The following NR6A1 variants were observed in gnomAD, a reference collection of about 807,000 sequenced individuals.
The protein encoded by NR6A1 is nuclear receptor subfamily 6 group A member 1, also known as retinoic acid receptor-related testis-associated receptor.
Under a neutral mutation model 59.1 loss-of-function variants are expected in NR6A1, and 7 were observed. The ratio of observed to expected loss-of-function variants is 0.12; its 90% CI spans 0.07 to 0.22. The LOEUF is 0.22. Among genes scored for constraint, NR6A1 ranks in the 10% least tolerant of loss-of-function variants. The probability of loss-of-function intolerance (pLI) is 1.00; values close to 1 mark genes in which losing one functional copy is unlikely to be tolerated. For synonymous variants in NR6A1, 243 were observed against 236.1 expected, an observed-to-expected ratio of 1.03 and a Z score of -0.27; for missense variants, 468 against 611.6, an observed-to-expected ratio of 0.77 and a Z score of 2.48.
chr9:124,663,927 C>A (rs1837524953), intron 2 of NR6A1, among the ~76,000 whole-genome samples: 1 of 152,002 alleles, frequency 6.6e-6, no homozygotes, highest in South Asian at 2.1e-4. Context: ...AAAAAAAGAA[C>A]CCTTTTCTTA....
intron 2 of NR6A1, chr9:124,598,909 C>A (rs1834041271): frequency 2.8e-6 from 2 of 703,176 alleles, no homozygotes; most frequent in African/African-American, 3.5e-5. Context: ...TGGCCAGCAG[C>A]TCTGGCTTGG....
intron 2 of NR6A1, among the ~76,000 whole-genome samples, chr9:124,654,852 T>C (rs1213568168): frequency 2.0e-5 from 3 of 148,268 alleles, no homozygotes; most frequent in South Asian, 2.1e-4. Context: ...TGGTTGCTTT[T>C]ATACATACAT....
At chr9:124,603,317 GTTC>G (rs1835495383) in intron 2 of NR6A1, among the ~76,000 whole-genome samples, 1 of 152,136 alleles carries the variant, frequency 6.6e-6, no homozygotes, top group African/African-American at 2.4e-5. Context: ...GTGGGGTACA[GTTC>G]TTCTGTTGAA....
intron 2 of NR6A1, among the ~76,000 whole-genome samples, chr9:124,708,794 A>G (rs949562189): frequency 2.0e-5 from 3 of 152,204 alleles, no homozygotes; most frequent in African/African-American, 7.2e-5. Flanking sequence ...AGGTACTCAA[A>G]TAGGTCCCAG....
intron 2 of NR6A1, among the ~76,000 whole-genome samples, chr9:124,566,952 C>CA (rs1378112798): frequency 9.2e-5 from 14 of 151,650 alleles, no homozygotes; most frequent in African/African-American, 2.4e-4. Flanking sequence ...ACTAAAAATA[C>CA]AAAAAATTAG....
At chr9:124,709,946 G>GAA (rs756286252) in intron 2 of NR6A1, among the ~76,000 whole-genome samples, 7 of 105,542 alleles carry the variant, frequency 6.6e-5, no homozygotes, top group East Asian at 2.8e-4. Context: ...ATTCCATCTC[G>GAA]AAAAAAAAAA....
chr9:124,692,394 C>T (rs755660635), intron 2 of NR6A1: 10 of 492,682 alleles, frequency 2.0e-5, no homozygotes, highest in Non-Finnish European at 3.0e-5. Context: ...CATCCATCAG[C>T]GGTGGTCTCA....
intron 2 of NR6A1, among the ~76,000 whole-genome samples, chr9:124,649,233 C>CAAAAAAAAA (rs78432505): frequency 2.4e-4 from 10 of 41,428 alleles, no homozygotes; most frequent in South Asian, 1.2e-3. Context: ...GGTACTGGCA[C>CAAAAAAAAA]AAAAAAAAAA....
At position 124,543,923 on chromosome 9, in the gene NR6A1, G is replaced by A. The variant is rs893731799; in HGVS notation, c.386-66C>T. 18 of 1,431,064 alleles carry A rather than the reference G, an allele frequency of 1.3e-5. No individual in the cohort carries two copies. The East Asian group carries it at 2.1e-4, about 16-fold the overall frequency. 88.6% of individuals were successfully genotyped at this position (1,431,064 alleles called of 1,614,324 possible). A position where few individuals can be genotyped will look rare whatever the true frequency, so the allele number is the denominator to read the frequency against. On this transcript the variant is annotated intron_variant, in intron 3 of 9. Coordinates refer to ENST00000487099, the MANE Select transcript of NR6A1 (RefSeq NM_033334.4). ...ACTCATATAAGTCTTAGCACAAAAA[G>A]AGAGTTTACTTGGCCAAAAGCATAA...
chr9:124,767,604 G>T (rs915492029), intron 1 of NR6A1, among the ~76,000 whole-genome samples: 1 of 151,630 alleles, frequency 6.6e-6, no homozygotes, highest in East Asian at 1.9e-4. Flanking sequence ...TTTTCTAATG[G>T]GAGTAGGAAA....
rs534247883 is a variant in NR6A1 at position 124,739,405 on chromosome 9, C to G, written c.101-6056G>C. Among the ~76,000 whole-genome samples the G allele has an allele frequency of 3.9e-5, 6 of 152,298 alleles. No individual in the cohort carries two copies. The East Asian group carries it at 1.2e-3, about 29-fold the overall frequency. Reference sequence around the variant, plus strand: ...AGCAAATGGCTCTAAGTCTAGGAATCTTATTTCATACAAGAGAAAGTTCCA... The same window carrying G: ...AGCAAATGGCTCTAAGTCTAGGAATGTTATTTCATACAAGAGAAAGTTCCA... On this transcript the variant is annotated intron_variant, in intron 1 of 9. Transcript: ENST00000487099.
At chr9:124,609,117 G>C (rs1449193820) in intron 2 of NR6A1, among the ~76,000 whole-genome samples, 2 of 151,634 alleles carry the variant, frequency 1.3e-5, no homozygotes, top group African/African-American at 4.8e-5. Context: ...TTCTATTGCT[G>C]TCCTATTTGT....
At chr9:124,651,686 T>C (rs1837108804) in intron 2 of NR6A1, among the ~76,000 whole-genome samples, 1 of 152,128 alleles carries the variant, frequency 6.6e-6, no homozygotes, top group Non-Finnish European at 1.5e-5. Context: ...ATATATACGG[T>C]TTACACTAAA....
intron 2 of NR6A1, among the ~76,000 whole-genome samples, chr9:124,703,670 T>C (rs1179285031): frequency 6.6e-6 from 1 of 152,248 alleles, no homozygotes. Flanking sequence ...AAAAGATTTT[T>C]ACACCTGTGT....
chr9:124,611,774 A>AGAGAGAGAATGAGAGAGAAT (rs1554733164), intron 2 of NR6A1, among the ~76,000 whole-genome samples: 145 of 105,600 alleles, frequency 1.4e-3, no homozygotes, highest in African/African-American at 6.0e-3. Context: ...AGAGAGAGAG[A>AGAGAGAGAATGAGAGAGAAT]GAGAGAGAAT....
chr9:124,594,952 T>C (rs189439243), intron 2 of NR6A1, among the ~76,000 whole-genome samples: 21 of 152,320 alleles, frequency 1.4e-4, no homozygotes, highest in Non-Finnish European at 5.9e-5. Flanking sequence ...CGGGAACTCT[T>C]CTCAGTAGTG....
chr9:124,665,850 C>T (rs969876587), intron 2 of NR6A1, among the ~76,000 whole-genome samples: 106 of 152,190 alleles, frequency 7.0e-4, no homozygotes, highest in Non-Finnish European at 2.4e-4. Context: ...ACCAGAAAGA[C>T]GCCTACAGAG....
intron 2 of NR6A1, among the ~76,000 whole-genome samples, chr9:124,613,386 C>T (rs1835808314): frequency 1.3e-5 from 2 of 151,754 alleles, no homozygotes; most frequent in South Asian, 4.2e-4. Context: ...GTGGCTCACA[C>T]CTATAATACC....
chr9:124,726,423 T>C (rs1256367758), intron 2 of NR6A1, among the ~76,000 whole-genome samples: 1 of 152,200 alleles, frequency 6.6e-6, no homozygotes, highest in Non-Finnish European at 1.5e-5. Context: ...TCCTTTATAT[T>C]GGGGAGCAAA....
Sources: gnomAD v4.1 joint callset for allele counts (sites outside exome capture counted in the v4.1 genomes callset) on GRCh38, gnomAD v4.1.1 for gene constraint, MANE v1.5 for transcripts, NCBI Gene and HGNC (gene_info 2026-07-23, HGNC 2026-07-21) for gene names.